Variants in NBPF8 observed in about 807,000 individuals in gnomAD.
NBPF8 encodes NBPF family member NBPF8.
intron 21 of NBPF8, 54 bp downstream of exon 19, chr1:120,463,020 G>A: frequency 1.6e-6 from 1 of 609,502 alleles, no homozygotes. Context: ...CCAGATAGGG[G>A]TGATATTCCT....
chr1:120,461,273 G>C, exon 19 of NBPF8: 3 of 676,712 alleles, frequency 4.4e-6, no homozygotes, highest in South Asian at 4.4e-5. Flanking sequence ...GGAGCTGCTG[G>C]ATGAGAAAGG....
chr1:120,424,526 C>T (rs1660657173), intron 1 of NBPF8, among the ~76,000 whole-genome samples: 1 of 152,152 alleles, frequency 6.6e-6, no homozygotes, highest in Admixed American at 6.5e-5. Flanking sequence ...CAGCTCACTG[C>T]AACCTCCACC....
intron 15 of NBPF8, 127 bp downstream of exon 13, chr1:120,454,241 G>A: frequency 6.5e-7 from 1 of 1,550,328 alleles, no homozygotes; most frequent in Non-Finnish European, 8.8e-7. Flanking sequence ...ACAGATATCA[G>A]GGAGTTTTTT....
upstream of NBPF8, among the ~76,000 whole-genome samples, chr1:120,417,008 TG>T (rs1298630552): frequency 8.3e-6 from 1 of 120,718 alleles, no homozygotes; most frequent in Non-Finnish European, 1.7e-5. Flanking sequence ...TTGATATGCT[TG>T]GTTTTCTGTT....
At chr1:120,418,915 AT>A (rs1393447764), upstream of NBPF8, among the ~76,000 whole-genome samples, 1 of 151,732 alleles carries the variant, frequency 6.6e-6, no homozygotes, top group Non-Finnish European at 1.5e-5. Flanking sequence ...TACAGCTATT[AT>A]TTATGAATAT....
intron 16 of NBPF8, 27 bp from the exon 15 acceptor site, chr1:120,459,340 T>C: frequency 1.1e-6 from 1 of 889,758 alleles, no homozygotes; most frequent in South Asian, 1.4e-5. Flanking sequence ...AAATCTTCTA[T>C]CATCCCTGTC....
At chr1:120,417,762 G>A (rs1263038569), upstream of NBPF8, among the ~76,000 whole-genome samples, 47 of 138,692 alleles carry the variant, frequency 3.4e-4, no homozygotes, top group Non-Finnish European at 1.2e-4. Context: ...ACCATGCCTG[G>A]CTTAATTTTC....
At chr1:120,455,808 C>T (rs1378953663) in intron 16 of NBPF8, among the ~76,000 whole-genome samples, 2 of 151,016 alleles carry the variant, frequency 1.3e-5, no homozygotes, top group Non-Finnish European at 3.0e-5. Flanking sequence ...TTGTCTTCTG[C>T]TAGCTTTTGA....
upstream of NBPF8, among the ~76,000 whole-genome samples, chr1:120,434,207 C>T (rs1193254571): frequency 5.4e-5 from 8 of 148,214 alleles, no homozygotes; most frequent in South Asian, 6.3e-4. Context: ...GCCCTCGCTC[C>T]GCCACTTAAA....
chr1:120,433,614 A>C (rs1188273408), upstream of NBPF8: 18 of 167,772 alleles, frequency 1.1e-4, 1 homozygote, highest in Non-Finnish European at 4.2e-5. Flanking sequence ...AGGCGGGCAA[A>C]GCTGTGGGGA....
intron 24 of NBPF8, among the ~76,000 whole-genome samples, chr1:120,465,608 G>A (rs2101703319): frequency 6.8e-6 from 1 of 146,226 alleles, no homozygotes; most frequent in East Asian, 2.0e-4. Context: ...CATGGCCACT[G>A]CATCGAATTT....
exon 25 of NBPF8, chr1:120,466,273 C>A (rs1239424193): frequency 2.5e-6 from 4 of 1,597,056 alleles, no homozygotes; most frequent in Admixed American, 3.4e-5. Flanking sequence ...GACCTATAGG[C>A]GCCTGAAGAT....
chr1:120,434,721 A>G (rs1309743556), upstream of NBPF8, among the ~76,000 whole-genome samples: 1 of 145,864 alleles, frequency 6.9e-6, no homozygotes, highest in Non-Finnish European at 1.5e-5. Flanking sequence ...TAAAAAGTTA[A>G]TATTAACCAC....
upstream of NBPF8, chr1:120,434,162 G>C (rs1271545787): frequency 6.6e-6 from 1 of 151,410 alleles, no homozygotes; most frequent in Non-Finnish European, 1.5e-5. Flanking sequence ...TGCAGGTGCT[G>C]TCCTCCTCGC....
upstream of NBPF8, among the ~76,000 whole-genome samples, chr1:120,434,244 T>C (rs1661000627): frequency 2.0e-5 from 3 of 147,088 alleles, no homozygotes; most frequent in Admixed American, 2.1e-4. Flanking sequence ...ATATATAATA[T>C]ATATACACGT....
upstream of NBPF8, chr1:120,433,175 T>C (rs1255670591): frequency 2.6e-5 from 4 of 152,200 alleles, no homozygotes; most frequent in African/African-American, 7.2e-5. Flanking sequence ...TAGGAGATTT[T>C]AGAGAAATTT....
chr1:120,450,920 A>G (rs1297883802), intron 11 of NBPF8, among the ~76,000 whole-genome samples: 3 of 151,380 alleles, frequency 2.0e-5, no homozygotes, highest in Non-Finnish European at 4.4e-5. Context: ...GTGAATTCTG[A>G]CTCCACTTCG....
Position 120,442,849 on chromosome 1 carries a change from C to T in NBPF8, n.957C>T. On this transcript the variant is annotated non_coding_transcript_exon_variant, in exon 6 of 25. Coordinates refer to ENST00000583271, the Ensembl canonical transcript of NBPF8. ...GCCTTTCTTCTCCCCAGTCCCTGGC[C>T]CCACCTCTTCTGCCACAAACGTCAG... The T allele has an allele frequency of 3.2e-5, 5 of 154,716 alleles. 1 individual carries two copies. Among genetic ancestry groups the T allele is most frequent in the East Asian group, 1.9e-4 (2 of 10,648 alleles). The allele number at this position is 154,716 out of a possible 1,614,324, so 9.6% of individuals were successfully genotyped here.
exon 2 of NBPF8, among the ~76,000 whole-genome samples, chr1:120,425,809 C>A (rs1660712200): frequency 1.4e-5 from 2 of 138,010 alleles, no homozygotes; most frequent in South Asian, 5.2e-4. Flanking sequence ...TCATTGTCTT[C>A]TTCAGGTGGC....
Sources: allele counts gnomAD v4.1 joint callset (sites outside exome capture counted in the v4.1 genomes callset), GRCh38; gene constraint gnomAD v4.1.1; transcripts MANE v1.5; gene names NCBI Gene and HGNC (gene_info 2026-07-23, HGNC 2026-07-21).